Variants in IMPG2 observed in about 807,000 individuals in gnomAD.
IMPG2 encodes interphotoreceptor matrix proteoglycan 2, also known as IPM 200.
Under a neutral mutation model 129.2 loss-of-function variants are expected in IMPG2, and 91 were observed. The ratio of observed to expected loss-of-function variants is 0.70; its 90% CI spans 0.59 to 0.84. IMPG2 has a LOEUF of 0.84. Ranked by LOEUF, IMPG2 falls within the 40% of genes least tolerant of loss-of-function variation. IMPG2 has a pLI of 0.00. For missense variants in IMPG2, 1,430 were observed against 1,461.7 expected (o/e 0.98, Z 0.35); for synonymous variants, 510 against 517.7 (o/e 0.99, Z 0.20).
chr3:101,279,089 C>CA (rs1706867594), intron 4 of IMPG2, among the ~76,000 whole-genome samples: 1 of 152,164 alleles, frequency 6.6e-6, no homozygotes, highest in South Asian at 2.1e-4. Flanking sequence ...AAATAAGGTC[C>CA]AAACAGGTAA....
At chr3:101,289,100 C>A (rs1051359821) in intron 4 of IMPG2, among the ~76,000 whole-genome samples, 3 of 152,106 alleles carry the variant, frequency 2.0e-5, no homozygotes, top group African/African-American at 7.2e-5. Context: ...TTTTTTTATT[C>A]ATTCATCAGG....
chr3:101,276,762 T>G, intron 4 of IMPG2, 49 bp from the exon 5 acceptor site: 1 of 1,427,682 alleles, frequency 7.0e-7, no homozygotes, highest in South Asian at 1.2e-5. Context: ...CACATGAGAG[T>G]TTATTTTGGG....
At chr3:101,290,971 T>C (rs1707003650) in intron 4 of IMPG2, among the ~76,000 whole-genome samples, 2 of 152,222 alleles carry the variant, frequency 1.3e-5, no homozygotes, top group South Asian at 4.1e-4. Context: ...TCTGTCATCT[T>C]CTTTGTACTA....
At position 101,243,825 on chromosome 3, in the gene IMPG2, G is replaced by A. The variant is rs1706437939; in HGVS notation, c.2506C>T (p.Gln836Ter). 1 of 1,614,172 alleles carries A rather than the reference G, an allele frequency of 6.2e-7. No homozygotes were observed. The highest frequency in any genetic ancestry group is 8.5e-7 in the Non-Finnish European group (1 of 1,180,016). Residue 836 changes from glutamine to a stop codon, truncating the protein, a stop_gained, in exon 13 of 19, where the codon CAG becomes TAG. Coordinates refer to ENST00000193391, the MANE Select transcript of IMPG2 (RefSeq NM_016247.4). LOFTEE classifies it high-confidence loss of function. ...CGGTCCAGTTCTAACGAAATATCCT[G>A]TACACCCATAATTACTTCATCCTCT... ...LLEDEVIMGV[Q>*]DISLELDRIG...
intron 4 of IMPG2, among the ~76,000 whole-genome samples, chr3:101,285,542 G>C (rs1706937426): frequency 6.6e-6 from 1 of 152,178 alleles, no homozygotes; most frequent in African/African-American, 2.4e-5. Context: ...CCTGTCTACA[G>C]CTCTGTCTCT....
chr3:101,318,251 T>C (rs1435553737), intron 2 of IMPG2, among the ~76,000 whole-genome samples: 1 of 151,486 alleles, frequency 6.6e-6, no homozygotes, highest in Non-Finnish European at 1.5e-5. Context: ...TCATCCTCAT[T>C]CACCTTCAGT....
intron 3 of IMPG2, among the ~76,000 whole-genome samples, chr3:101,293,637 G>A (rs1707045653): frequency 6.6e-6 from 1 of 152,278 alleles, no homozygotes; most frequent in South Asian, 2.1e-4. Flanking sequence ...ATTGAAGCCA[G>A]GTATTGACTT....
At chr3:101,285,539 A>G (rs1178481188) in intron 4 of IMPG2, among the ~76,000 whole-genome samples, 1 of 152,182 alleles carries the variant, frequency 6.6e-6, no homozygotes, top group Non-Finnish European at 1.5e-5. Context: ...TCTCCTGTCT[A>G]CAGCTCTGTC....
intron 3 of IMPG2, among the ~76,000 whole-genome samples, chr3:101,300,196 A>G (rs1028842234): frequency 2.6e-5 from 4 of 152,194 alleles, no homozygotes; most frequent in African/African-American, 9.7e-5. Flanking sequence ...TGCCACAGCT[A>G]GTGTGTTGGA....
intron 4 of IMPG2, among the ~76,000 whole-genome samples, chr3:101,291,117 C>A (rs1707004998): frequency 6.6e-6 from 1 of 152,126 alleles, no homozygotes; most frequent in South Asian, 2.1e-4. Context: ...ATAGCACCAC[C>A]CATCATTTAA....
rs755807091 is a variant in IMPG2, at chr3:101,269,617, G to GA, written c.829-45dup. 3 of 1,093,012 alleles carry GA rather than the reference G, an allele frequency of 2.7e-6. No homozygotes were observed. In the African/African-American group the frequency reaches 4.7e-5, roughly 17 times the overall value. The allele number at this position is 1,093,012 out of a possible 1,614,324, so 67.7% of individuals were successfully genotyped here. ...AAAATGATAACTATGTAAAAATATG[G>GA]AAAAATATATAGAAAATAATGCTTT... On this transcript the variant is annotated intron_variant, in intron 7 of 18. Coordinates refer to ENST00000193391, the MANE Select transcript of IMPG2 (RefSeq NM_016247.4).
intron 14 of IMPG2, among the ~76,000 whole-genome samples, chr3:101,241,937 G>A (rs1706412514): frequency 6.6e-6 from 1 of 152,032 alleles, no homozygotes; most frequent in Non-Finnish European, 1.5e-5. Context: ...GCTGAGGCAG[G>A]AGAATTGCTT....
chr3:101,287,130 A>T (rs945414866), intron 4 of IMPG2, among the ~76,000 whole-genome samples: 2 of 152,170 alleles, frequency 1.3e-5, no homozygotes, highest in African/African-American at 2.4e-5. Flanking sequence ...CTGTCAGGGT[A>T]TAGTAACACA....
chr3:101,310,214 A>G (rs1707247266), intron 2 of IMPG2, among the ~76,000 whole-genome samples: 1 of 152,184 alleles, frequency 6.6e-6, no homozygotes. Context: ...CTCATACTGA[A>G]ATATCTAGAG....
chr3:101,300,856 GCTAA>G (rs755100248), intron 3 of IMPG2, among the ~76,000 whole-genome samples: 2 of 152,326 alleles, frequency 1.3e-5, no homozygotes, highest in South Asian at 2.1e-4. Context: ...TCACAACTTA[GCTAA>G]CTATTTGGTG....
At chr3:101,257,000 G>C (rs904530403) in intron 10 of IMPG2, among the ~76,000 whole-genome samples, 3 of 151,958 alleles carry the variant, frequency 2.0e-5, no homozygotes, top group Non-Finnish European at 4.4e-5. Context: ...ATATCCACCT[G>C]TTCATTATGG....
chr3:101,228,645 T>G (rs1385415791), intron 18 of IMPG2, 152 bp downstream of exon 18: 2 of 667,886 alleles, frequency 3.0e-6, no homozygotes, highest in East Asian at 5.3e-5. Flanking sequence ...TGCCTGGACA[T>G]GCATAAACTT....
chr3:101,320,279 T>A lies in IMPG2; in HGVS notation c.85+9A>T, dbSNP rs200254074. On this transcript the variant is annotated intron_variant, in intron 1 of 18. Coordinates refer to ENST00000193391, the MANE Select transcript of IMPG2 (RefSeq NM_016247.4). The stretch of plus-strand genomic sequence containing the variant: ...GGAAAGATAAAAACAAATGTAGATT[T>A]TTAAATACCTGTTAATGATGGAAAG... The A allele has an allele frequency of 2.8e-4, 410 of 1,463,614 alleles. 2 individuals are homozygous for A. In the Middle Eastern group the frequency reaches 5.6e-3, roughly 20 times the overall value. The allele number at this position is 1,463,614 out of a possible 1,614,324, so 90.7% of individuals were successfully genotyped here. A position where few individuals can be genotyped will look rare whatever the true frequency, so the allele number is the denominator to read the frequency against.
rs878960356 is a variant in IMPG2 at position 101,226,900 on chromosome 3, T to C, written c.*69A>G. ...CAGTGTTTAAAATCCAGGTTAATTA[T>C]ATGACATAAGTAACAAGTAATCTCC... On this transcript the variant is annotated 3_prime_UTR_variant, in exon 19 of 19. Transcript: ENST00000193391. The C allele has an allele frequency of 1.3e-6, 2 of 1,507,030 alleles. No individual in the cohort carries two copies. The highest frequency in any genetic ancestry group is 1.8e-6 in the Non-Finnish European group (2 of 1,084,508). The allele number at this position is 1,507,030 out of a possible 1,614,324, so 93.4% of individuals were successfully genotyped here. A position where few individuals can be genotyped will look rare whatever the true frequency, so the allele number is the denominator to read the frequency against.
Sources: allele counts gnomAD v4.1 joint callset (sites outside exome capture counted in the v4.1 genomes callset), GRCh38; gene constraint gnomAD v4.1.1; transcripts MANE v1.5; gene names NCBI Gene and HGNC (gene_info 2026-07-23, HGNC 2026-07-21).